Variants in BLOC1S1 observed in about 807,000 individuals in gnomAD.
BLOC1S1 encodes biogenesis of lysosomal organelles complex 1 subunit 1.
BLOC1S1 carries 11 observed loss-of-function variants against 19.0 expected under a neutral mutation model. The ratio of observed to expected loss-of-function variants is 0.58; its 90% confidence interval spans 0.37 to 0.96. BLOC1S1 has a LOEUF of 0.96. Ranked by LOEUF, BLOC1S1 falls within the 40% of genes least tolerant of loss-of-function variation. The pLI is 0.01. For missense variants in BLOC1S1, 220 were observed against 195.9 expected, an observed-to-expected ratio of 1.12 and a Z score of -0.73; for synonymous variants, 94 against 76.4, an observed-to-expected ratio of 1.23 and a Z score of -1.20.
Position 55,719,621 on chromosome 12 carries a change from TC to T in BLOC1S1, c.*17del. On this transcript the variant is annotated 3_prime_UTR_variant, in exon 4 of 4. Coordinates refer to ENST00000548925, the MANE Select transcript of BLOC1S1 (RefSeq NM_001487.4). ...CTGCCCCTTCCTAGCCCCTGTTCCC[TC>T]CCCCAACCCTATCCCTCCTACCTCA... The T allele has an allele frequency of 1.2e-6, 2 of 1,609,806 alleles. No individual in the cohort carries two copies. The highest frequency in any genetic ancestry group is 1.7e-6 in the Non-Finnish European group (2 of 1,176,546).
At position 55,716,975 on chromosome 12, in the gene BLOC1S1, C is replaced by G. The variant is rs1329568604; in HGVS notation, c.188C>G (p.Thr63Arg). 1.9e-6 allele frequency: 3 copies of G among 1,597,292 alleles called. No homozygotes were observed. Among genetic ancestry groups the G allele is most frequent in the African/African-American group, 2.7e-5 (2 of 73,912 alleles). ...REAITAATCL[T>R]EALVDHLNVG... Reference sequence around the variant, plus strand: ...GCTATCACTGCAGCGACCTGCCTGACAGAAGCTTTGGTGGATCACCTCAAT... The same window carrying G: ...GCTATCACTGCAGCGACCTGCCTGAGAGAAGCTTTGGTGGATCACCTCAAT... Residue 63 changes from threonine (T) to arginine (R), a missense_variant, in exon 2 of 4, where the codon ACA (threonine) becomes AGA (arginine). Transcript: ENST00000548925.
At position 55,716,212 on chromosome 12, in the gene BLOC1S1, T is replaced by C. The variant is rs1317597056; in HGVS notation, c.145+16T>C. ...GAGCTGCAGGGTGAGCCAAATATCCTGTCGGCCGTTTTCTCTTCGGCCGCG... is the reference window on the plus strand; with the variant it reads ...GAGCTGCAGGGTGAGCCAAATATCCCGTCGGCCGTTTTCTCTTCGGCCGCG... On this transcript the variant is annotated intron_variant, in intron 1 of 3. Coordinates refer to ENST00000548925, the MANE Select transcript of BLOC1S1 (RefSeq NM_001487.4). 6.3e-7 allele frequency: 1 copy of C among 1,597,884 alleles called. No individual in the cohort carries two copies. The highest frequency in any genetic ancestry group is 8.5e-7 in the Non-Finnish European group (1 of 1,172,602).
At chr12:55,718,520 G>A (rs11171665) in intron 2 of BLOC1S1, among the ~76,000 whole-genome samples, 3 of 148,414 alleles carry the variant, frequency 2.0e-5, no homozygotes, top group Non-Finnish European at 4.5e-5. Flanking sequence ...GTGTGTGTTT[G>A]TGTGTGTTCC....
chr12:55,718,700 C>G (rs1342767100), intron 2 of BLOC1S1, among the ~76,000 whole-genome samples: 2 of 152,158 alleles, frequency 1.3e-5, no homozygotes, highest in African/African-American at 4.8e-5. Flanking sequence ...TTGCATAGAT[C>G]CCTAGGCTTC....
At position 55,716,116 on chromosome 12, in the gene BLOC1S1, GC is replaced by G; in HGVS notation, c.70del (p.Gln24SerfsTer4). 1 of 1,607,962 alleles carries G rather than the reference GC, an allele frequency of 6.2e-7. No homozygotes were observed. The highest frequency in any genetic ancestry group is 1.1e-5 in the South Asian group (1 of 90,180). On this transcript the variant is annotated frameshift_variant, in exon 1 of 4. Coordinates refer to ENST00000548925, the MANE Select transcript of BLOC1S1 (RefSeq NM_001487.4). LOFTEE classifies it high-confidence loss of function. Reference sequence around the variant, plus strand: ...AGCCGGAGGGGGCCCGGCGTACCCAGCCCCCAGCCCGACGTGACCATGCTGT... The same window carrying G: ...AGCCGGAGGGGGCCCGGCGTACCCAGCCCCAGCCCGACGTGACCATGCTGT... ...FRSRRGPGVP[S>X]PQPDVTMLSR...
At chr12:55,716,628 G>A (rs1051877665) in intron 1 of BLOC1S1, 3 of 1,243,068 alleles carry the variant, frequency 2.4e-6, no homozygotes, top group Admixed American at 9.1e-5. Context: ...GGAAATCTCG[G>A]AGTTACCGAT....
At chr12:55,716,878 A>G (rs768706898) in intron 1 of BLOC1S1, 55 bp from the exon 2 acceptor site, 7 of 1,508,346 alleles carry the variant, frequency 4.6e-6, no homozygotes, top group Non-Finnish European at 4.5e-6. Context: ...AACCTTTAAC[A>G]CTACCCCTCA....
chr12:55,716,252 C>G (rs1361840680), intron 1 of BLOC1S1, 56 bp downstream of exon 1: 1 of 1,557,924 alleles, frequency 6.4e-7, no homozygotes, highest in Non-Finnish European at 8.7e-7. Context: ...AGCTTCAGCC[C>G]GGAGCCTGGA....
intron 1 of BLOC1S1, 94 bp downstream of exon 1, chr12:55,716,290 A>G (rs1187254466): frequency 1.3e-6 from 2 of 1,517,932 alleles, no homozygotes; most frequent in Non-Finnish European, 1.8e-6. Flanking sequence ...TATCCAGGGA[A>G]AGACGCCAGC....
chr12:55,718,281 G>A (rs1876722799), intron 2 of BLOC1S1, among the ~76,000 whole-genome samples: 2 of 152,306 alleles, frequency 1.3e-5, no homozygotes, highest in East Asian at 1.9e-4. Flanking sequence ...TGGGGGCACC[G>A]GATGTGGAAT....
intron 1 of BLOC1S1, chr12:55,716,541 AC>A (rs1298840503): frequency 2.5e-6 from 3 of 1,220,890 alleles, no homozygotes; most frequent in South Asian, 2.0e-5. Flanking sequence ...GGTGTGGGGA[AC>A]CCCCCAGAGA....
intron 2 of BLOC1S1, among the ~76,000 whole-genome samples, chr12:55,718,171 A>T (rs920312005): frequency 5.9e-4 from 90 of 152,302 alleles, no homozygotes; most frequent in African/African-American, 2.1e-3. Flanking sequence ...GGAAAGGAAA[A>T]CAAAGGCTCA....
intron 3 of BLOC1S1, 82 bp from the exon 4 acceptor site, chr12:55,719,417 G>A: frequency 6.8e-7 from 1 of 1,472,014 alleles, no homozygotes; most frequent in Non-Finnish European, 9.5e-7. Flanking sequence ...TCCAGGAGAT[G>A]AATAAAACGT....
rs772441261 is a variant in BLOC1S1 at position 55,716,147 on chromosome 12, C to T, written c.96C>T (p.Arg32=). ...AGCCCGACGTGACCATGCTGTCCCG[C>T]CTCCTAAAAGAACACCAGGCCAAGC... The part of the protein sequence containing the change: ...SPQPDVTMLS[R]LLKEHQAKQN... Residue 32 remains arginine (R), a synonymous_variant, in exon 1 of 4, where the codon CGC becomes CGT. Coordinates refer to ENST00000548925, the MANE Select transcript of BLOC1S1 (RefSeq NM_001487.4). The T allele has an allele frequency of 1.9e-6, 3 of 1,612,312 alleles. No homozygotes were observed. Among genetic ancestry groups the T allele is most frequent in the Non-Finnish European group, 1.7e-6 (2 of 1,179,192 alleles).
In BLOC1S1 at chr12:55,719,636, C is replaced by G. The variant is rs1279243795; in HGVS notation, c.*27C>G. On this transcript the variant is annotated 3_prime_UTR_variant, in exon 4 of 4. Coordinates refer to ENST00000548925, the MANE Select transcript of BLOC1S1 (RefSeq NM_001487.4). ...CCCTGTTCCCTCCCCCAACCCTATC[C>G]CTCCTACCTCACCCGCAGGGGGAAG... 6.3e-7 allele frequency: 1 copy of G among 1,588,314 alleles called. No homozygotes were observed. The highest frequency in any genetic ancestry group is 8.6e-7 in the Non-Finnish European group (1 of 1,157,182).
intron 2 of BLOC1S1, among the ~76,000 whole-genome samples, chr12:55,718,171 A>ACAAAGGC (rs1565652717): frequency 1.3e-5 from 2 of 152,302 alleles, no homozygotes; most frequent in South Asian, 4.1e-4. Flanking sequence ...GGAAAGGAAA[A>ACAAAGGC]CAAAGGCTCA....
chr12:55,719,285 G>A, intron 3 of BLOC1S1, 62 bp downstream of exon 3: 1 of 1,612,484 alleles, frequency 6.2e-7, no homozygotes, highest in Non-Finnish European at 8.5e-7. Context: ...CCTCCAGTCA[G>A]GTTACCTCAG....
intron 1 of BLOC1S1, chr12:55,716,429 C>A: frequency 7.3e-7 from 1 of 1,372,056 alleles, no homozygotes; most frequent in Non-Finnish European, 9.4e-7. Context: ...CAATCCCCGA[C>A]CTGCCGCACC....
intron 1 of BLOC1S1, chr12:55,716,579 C>T (rs1268296932): frequency 8.3e-7 from 1 of 1,207,658 alleles, no homozygotes; most frequent in Non-Finnish European, 1.0e-6. Flanking sequence ...CTGAAACCAC[C>T]GGAACGGAGG....
Sources: allele counts gnomAD v4.1 joint callset (sites outside exome capture counted in the v4.1 genomes callset), GRCh38; gene constraint gnomAD v4.1.1; transcripts MANE v1.5; gene names NCBI Gene and HGNC (gene_info 2026-07-23, HGNC 2026-07-21).